IGF1R: variants seen among roughly 807,000 people sequenced by gnomAD.
IGF1R encodes the protein insulin-like growth factor 1 receptor.
IGF1R carries 44 observed loss-of-function variants against 144.6 expected under a neutral mutation model. That is an observed-to-expected ratio of 0.30 (90% confidence interval 0.24 to 0.39). The LOEUF is 0.39. Among genes scored for constraint, IGF1R ranks in the 10% least tolerant of loss-of-function variants. IGF1R has a pLI of 1.00. For missense variants in IGF1R, 1,355 were observed against 1,833.7 expected, an observed-to-expected ratio of 0.74 and a Z score of 4.77; for synonymous variants, 795 against 722.8, an observed-to-expected ratio of 1.10 and a Z score of -1.60.
chr15:98,788,662 G>C (rs1465065914), intron 2 of IGF1R, among the ~76,000 whole-genome samples: 1 of 152,218 alleles, frequency 6.6e-6, no homozygotes, highest in South Asian at 2.1e-4. Flanking sequence ...GGCTACCCAA[G>C]GATGCGCCCG....
chr15:98,753,048 G>C (rs960852823), intron 2 of IGF1R, among the ~76,000 whole-genome samples: 6 of 148,906 alleles, frequency 4.0e-5, no homozygotes, highest in African/African-American at 1.5e-4. Context: ...CGATTCTCCT[G>C]CCTCAGCCTC....
At chr15:98,832,333 G>A (rs560118988) in intron 2 of IGF1R, among the ~76,000 whole-genome samples, 1 of 152,260 alleles carries the variant, frequency 6.6e-6, no homozygotes, top group Non-Finnish European at 1.5e-5. Context: ...GGAATCACAA[G>A]TGCCTTATTC....
At chr15:98,753,061 A>G (rs1391214844) in intron 2 of IGF1R, among the ~76,000 whole-genome samples, 2 of 149,338 alleles carry the variant, frequency 1.3e-5, no homozygotes, top group Admixed American at 6.8e-5. Flanking sequence ...TCAGCCTCCC[A>G]AGTAGCTAGG....
chr15:98,790,412 A>G (rs1201131636), intron 2 of IGF1R, among the ~76,000 whole-genome samples: 1 of 152,244 alleles, frequency 6.6e-6, no homozygotes, highest in Non-Finnish European at 1.5e-5. Context: ...AGAAAACGCC[A>G]TAAGCTCCTC....
chr15:98,899,376 G>A, intron 4 of IGF1R, 101 bp from the exon 5 acceptor site: 1 of 1,196,476 alleles, frequency 8.4e-7, no homozygotes, highest in Non-Finnish European at 1.2e-6. Flanking sequence ...ATCTCAGGGG[G>A]CACCTGCCGT....
At chr15:98,726,345 G>A (rs780987611) in intron 2 of IGF1R, among the ~76,000 whole-genome samples, 6 of 152,176 alleles carry the variant, frequency 3.9e-5, no homozygotes, top group Non-Finnish European at 5.9e-5. Flanking sequence ...CACACCCAGG[G>A]ATGACTTAGT....
chr15:98,822,183 C>G (rs905474946), intron 2 of IGF1R, among the ~76,000 whole-genome samples: 2 of 152,164 alleles, frequency 1.3e-5, no homozygotes, highest in South Asian at 2.1e-4. Context: ...CCCAGTGAGT[C>G]TCCTCAAAGC....
At chr15:98,667,801 C>T (rs1038272262) in intron 1 of IGF1R, among the ~76,000 whole-genome samples, 1 of 152,104 alleles carries the variant, frequency 6.6e-6, no homozygotes, top group Non-Finnish European at 1.5e-5. Flanking sequence ...CTTGCATTTT[C>T]TCTGGACCTC....
rs145197669 is a variant in IGF1R, at chr15:98,779,657, G to A, written c.640+71550G>A. Among the ~76,000 whole-genome samples, 153 of 152,230 alleles carry A rather than the reference G, an allele frequency of 1.0e-3. 2 individuals are homozygous for A. In the East Asian group the frequency reaches 0.025, roughly 25 times the overall value. The stretch of plus-strand genomic sequence containing the variant: ...GAACTATCATTAAATCATATAATCC[G>A]CTTCTCTGGAGTCAGAGGTTGACAA... On this transcript the variant is annotated intron_variant, in intron 2 of 20. Coordinates refer to ENST00000650285, the MANE Select transcript of IGF1R (RefSeq NM_000875.5).
At position 98,964,229 on chromosome 15, in the gene IGF1R, A is replaced by C; in HGVS notation, c.*6787A>C. 4.3e-6 allele frequency: 1 copy of C among 232,796 alleles called. No homozygotes were observed. The highest frequency in any genetic ancestry group is 8.5e-6 in the Non-Finnish European group (1 of 117,564). The allele number at this position is 232,796 out of a possible 1,614,324, so 14.4% of individuals were successfully genotyped here. A position where few individuals can be genotyped will look rare whatever the true frequency, so the allele number is the denominator to read the frequency against. On this transcript the variant is annotated 3_prime_UTR_variant, in exon 21 of 21. Coordinates refer to ENST00000650285, the MANE Select transcript of IGF1R (RefSeq NM_000875.5). ...AAAAAAAAATTTTTTTAAGTAAGAA[A>C]AAAAAAGGTAATAACATGGCCAATT...
intron 3 of IGF1R, chr15:98,893,368 T>G (rs1168206432): frequency 6.6e-6 from 1 of 152,180 alleles, no homozygotes; most frequent in Non-Finnish European, 1.5e-5. Context: ...AAGAAGAAAA[T>G]TACTCTGAAT....
At chr15:98,853,336 C>T (rs2011620360) in intron 2 of IGF1R, among the ~76,000 whole-genome samples, 1 of 152,154 alleles carries the variant, frequency 6.6e-6, no homozygotes, top group Non-Finnish European at 1.5e-5. Context: ...GCGTAGTGGA[C>T]ATGAATTATT....
intron 2 of IGF1R, among the ~76,000 whole-genome samples, chr15:98,888,459 G>GTGTGTA (rs2013750082): frequency 6.6e-6 from 1 of 151,944 alleles, no homozygotes; most frequent in African/African-American, 2.4e-5. Flanking sequence ...GTGTGTGTGT[G>GTGTGTA]TGTGTGTTTA....
intron 20 of IGF1R, among the ~76,000 whole-genome samples, 199 bp from the exon 21 acceptor site, chr15:98,956,862 C>T (rs191389851): frequency 1.6e-4 from 25 of 152,258 alleles, no homozygotes; most frequent in Non-Finnish European, 2.9e-4. Flanking sequence ...AGAATGGAAC[C>T]GTACGAGGTA....
chr15:98,949,334 C>T (rs1306719903), intron 20 of IGF1R, among the ~76,000 whole-genome samples: 3 of 150,770 alleles, frequency 2.0e-5, no homozygotes, highest in African/African-American at 7.3e-5. Flanking sequence ...GACATCCCTG[C>T]GGACAGAAGG....
intron 5 of IGF1R, among the ~76,000 whole-genome samples, chr15:98,902,520 C>T (rs1002473730): frequency 6.7e-5 from 10 of 149,654 alleles, no homozygotes; most frequent in Non-Finnish European, 1.2e-4. Flanking sequence ...TGGGTTCAAG[C>T]GATTCTCCTG....
intron 2 of IGF1R, among the ~76,000 whole-genome samples, chr15:98,813,429 C>T (rs968664250): frequency 2.6e-5 from 4 of 152,204 alleles, no homozygotes; most frequent in Non-Finnish European, 5.9e-5. Context: ...AGAATTACTC[C>T]AGCCAGCTAG....
chr15:98,908,162 G>A (rs1301365871), intron 5 of IGF1R, among the ~76,000 whole-genome samples: 1 of 152,226 alleles, frequency 6.6e-6, no homozygotes, highest in Non-Finnish European at 1.5e-5. Context: ...GATGAATGGG[G>A]GAGGGAGAAG....
At chr15:98,871,923 G>T (rs60996138) in intron 2 of IGF1R, among the ~76,000 whole-genome samples, 1,961 of 152,312 alleles carry the variant, frequency 0.013, 56 homozygotes, top group African/African-American at 0.045. Context: ...TTGTTTGTTT[G>T]TTGAAGAGCC....
Sources: gnomAD v4.1 joint callset for allele counts (sites outside exome capture counted in the v4.1 genomes callset) on GRCh38, gnomAD v4.1.1 for gene constraint, MANE v1.5 for transcripts, NCBI Gene and HGNC (gene_info 2026-07-23, HGNC 2026-07-21) for gene names.